DTL: variants seen among roughly 807,000 people sequenced by gnomAD.
DTL encodes denticleless protein homolog.
A neutral mutation model predicts 87.0 loss-of-function variants in DTL; 46 were observed. The ratio of observed to expected loss-of-function variants is 0.53; its 90% confidence interval spans 0.42 to 0.68. The LOEUF is 0.68. DTL is among the 30% of genes least tolerant of loss of function. DTL has a pLI of 0.00. For missense variants in DTL, 737 were observed against 869.4 expected, an observed-to-expected ratio of 0.85 and a Z score of 1.91; for synonymous variants, 308 against 311.2, an observed-to-expected ratio of 0.99 and a Z score of 0.11.
chr1:212,078,071 T>C, intron 11 of DTL, 102 bp from the exon 12 acceptor site: 1 of 626,586 alleles, frequency 1.6e-6, no homozygotes. Flanking sequence ...TGGCCTTTGG[T>C]AACAATCCTA....
chr1:212,069,497 G>A (rs1240608359), intron 10 of DTL, among the ~76,000 whole-genome samples: 1 of 151,580 alleles, frequency 6.6e-6, no homozygotes, highest in Non-Finnish European at 1.5e-5. Flanking sequence ...GAAATCTCAA[G>A]TACAGAACTT....
At chr1:212,039,415 T>G (rs1183450058) in intron 1 of DTL, among the ~76,000 whole-genome samples, 2 of 152,196 alleles carry the variant, frequency 1.3e-5, no homozygotes, top group Admixed American at 1.3e-4. Context: ...ATTCTTTGGA[T>G]CAGTGCAAGG....
intron 5 of DTL, among the ~76,000 whole-genome samples, chr1:212,061,247 CAA>C (rs1258680124): frequency 2.3e-4 from 24 of 105,232 alleles, no homozygotes; most frequent in Admixed American, 3.1e-4. Flanking sequence ...GATCCTGTCT[CAA>C]AAAAAAAAAA....
At chr1:212,050,425 G>A (rs1394550797) in intron 5 of DTL, among the ~76,000 whole-genome samples, 1 of 152,134 alleles carries the variant, frequency 6.6e-6, no homozygotes, top group Non-Finnish European at 1.5e-5. Flanking sequence ...TGGCAAAAGG[G>A]CAGGTATTAG....
At chr1:212,063,391 C>T (rs1448972420) in intron 6 of DTL, among the ~76,000 whole-genome samples, 1 of 151,454 alleles carries the variant, frequency 6.6e-6, no homozygotes, top group Non-Finnish European at 1.5e-5. Flanking sequence ...TGGGTTCCAG[C>T]AATTCCTCTA....
intron 10 of DTL, among the ~76,000 whole-genome samples, chr1:212,069,631 C>T (rs1056120918): frequency 9.2e-5 from 14 of 151,984 alleles, no homozygotes; most frequent in East Asian, 7.7e-4. Flanking sequence ...CTGCACCCTC[C>T]GCCTCCTGGG....
At chr1:212,053,047 A>G (rs778607609) in intron 5 of DTL, among the ~76,000 whole-genome samples, 11 of 152,298 alleles carry the variant, frequency 7.2e-5, no homozygotes, top group Non-Finnish European at 7.4e-5. Context: ...TTTGCCCATT[A>G]TACACATGCA....
intron 13 of DTL, among the ~76,000 whole-genome samples, chr1:212,098,028 T>C (rs1655501485): frequency 6.6e-6 from 1 of 152,204 alleles, no homozygotes; most frequent in Non-Finnish European, 1.5e-5. Context: ...TACTGGGTTC[T>C]AGGCTGGTAC....
At chr1:212,069,766 G>A (rs953686925) in intron 10 of DTL, among the ~76,000 whole-genome samples, 2 of 151,778 alleles carry the variant, frequency 1.3e-5, no homozygotes, top group Admixed American at 6.6e-5. Context: ...GGCTGGTCTC[G>A]AACTCCTGAC....
chr1:212,077,161 A>G (rs1654855353), intron 11 of DTL, among the ~76,000 whole-genome samples: 1 of 152,180 alleles, frequency 6.6e-6, no homozygotes, highest in African/African-American at 2.4e-5. Context: ...AAATGAAAAG[A>G]GAATAACTTC....
At position 212,078,202 on chromosome 1, in the gene DTL, G is replaced by A. The variant is rs368586485; in HGVS notation, c.1065G>A (p.Val355=). 5.8e-5 allele frequency: 93 copies of A among 1,612,474 alleles called. No individual in the cohort carries two copies. Among genetic ancestry groups the A allele is most frequent in the Non-Finnish European group, 7.8e-5 (92 of 1,178,794 alleles). The change falls in exon 12 of 15, where the codon GTG becomes GTA. Residue 355 remains valine, a synonymous_variant. Transcript: ENST00000366991. ...CCACACCCTGGCAACCTCCTACTGT[G>A]CTCCTGGGTCATTCTCAAGAGGTCA... ...KVSTPWQPPT[V]LLGHSQEVTS... is the part of the protein sequence containing the mutation.
intron 5 of DTL, among the ~76,000 whole-genome samples, chr1:212,055,601 T>C (rs1332166664): frequency 6.6e-6 from 1 of 152,194 alleles, no homozygotes; most frequent in Non-Finnish European, 1.5e-5. Flanking sequence ...TCTGGGCTGC[T>C]GCAGGGCAGA....
rs1655725432 is a variant in DTL at position 212,104,693 on chromosome 1, A to G, written c.*1753A>G. The stretch of plus-strand genomic sequence containing the variant: ...AATTGGGATACATTTGGCTGTCAGA[A>G]ATTATACCGAGTCTACTGGGTATAA... On this transcript the variant is annotated 3_prime_UTR_variant, in exon 15 of 15. Transcript: ENST00000366991. 1 of 152,170 alleles carries G rather than the reference A, an allele frequency of 6.6e-6. No homozygotes were observed. Among genetic ancestry groups the G allele is most frequent in the African/African-American group, 2.4e-5 (1 of 41,430 alleles). The allele number at this position is 152,170 out of a possible 1,614,324, so 9.4% of individuals were successfully genotyped here. A position where few individuals can be genotyped will look rare whatever the true frequency, so the allele number is the denominator to read the frequency against.
At chr1:212,073,160 A>G (rs1654727316) in intron 11 of DTL, among the ~76,000 whole-genome samples, 1 of 152,206 alleles carries the variant, frequency 6.6e-6, no homozygotes, top group Non-Finnish European at 1.5e-5. Flanking sequence ...TCCAGTGGAG[A>G]AAATAAAAAT....
chr1:212,100,262 G>A lies in DTL; in HGVS notation c.1272G>A (p.Thr424=), dbSNP rs1432963657. ...TCTCCTCTTTTTCAGTAACAGTAAC[G>A]AGTAGCCAGAGTACTCCTGCCAAAG... The part of the protein sequence containing the change: ...KESRPGLVTV[T]SSQSTPAKAP... Residue 424 remains threonine (T), a synonymous_variant, in exon 14 of 15, where the codon ACG becomes ACA. Coordinates refer to ENST00000366991, the MANE Select transcript of DTL (RefSeq NM_016448.4). 1.9e-6 allele frequency: 3 copies of A among 1,555,564 alleles called. No individual in the cohort carries two copies. Among genetic ancestry groups the A allele is most frequent in the Admixed American group, 2.0e-5 (1 of 49,642 alleles).
At chr1:212,091,184 A>G (rs1250545784) in intron 13 of DTL, among the ~76,000 whole-genome samples, 1 of 152,244 alleles carries the variant, frequency 6.6e-6, no homozygotes, top group African/African-American at 2.4e-5. Context: ...ACAAATGCCC[A>G]ACAGGTATAT....
chr1:212,068,696 T>C lies in DTL; in HGVS notation c.915T>C (p.Thr305=). The change falls in exon 10 of 15, where the codon ACT becomes ACC. Residue 305 remains threonine, a synonymous_variant. Transcript: ENST00000366991. The stretch of plus-strand genomic sequence containing the variant: ...TGTTTAATATGACTGGGTTGAAGAC[T>C]TCTCCAGGTAAGATATTAGTCATTC... ...IYMFNMTGLK[T]SPVAIFNGHQ... is the part of the protein sequence containing the mutation. 6.3e-7 allele frequency: 1 copy of C among 1,595,648 alleles called. No homozygotes were observed. Among genetic ancestry groups the C allele is most frequent in the Non-Finnish European group, 8.6e-7 (1 of 1,164,546 alleles).
rs570194782 is a variant in DTL at position 212,046,081 on chromosome 1, C to A, written c.278-1070C>A. The stretch of plus-strand genomic sequence containing the variant: ...GTTAGCCACTGTGCCCAGCCAGTAT[C>A]ATGAAGATTTTTGAACTGGAATATA... On this transcript the variant is annotated intron_variant, in intron 3 of 14. Coordinates refer to ENST00000366991, the MANE Select transcript of DTL (RefSeq NM_016448.4). Among the ~76,000 whole-genome samples, 29 of 152,060 alleles carry A rather than the reference C, an allele frequency of 1.9e-4. No individual in the cohort carries two copies. In the South Asian group the frequency reaches 5.4e-3, roughly 28 times the overall value.
chr1:212,093,316 T>C (rs1655341707), intron 13 of DTL, among the ~76,000 whole-genome samples: 1 of 152,162 alleles, frequency 6.6e-6, no homozygotes. Flanking sequence ...GTGTGCTCTT[T>C]TAGTTTTGCT....
Sources: allele counts gnomAD v4.1 joint callset (sites outside exome capture counted in the v4.1 genomes callset), GRCh38; gene constraint gnomAD v4.1.1; transcripts MANE v1.5; gene names NCBI Gene and HGNC (gene_info 2026-07-23, HGNC 2026-07-21).